The following PMS1 variants were observed in gnomAD, a reference collection of about 807,000 sequenced individuals.
The protein encoded by PMS1 is PMS1 protein homolog 1.
Under a neutral mutation model 93.1 loss-of-function variants are expected in PMS1, and 79 were observed. The ratio of observed to expected loss-of-function variants is 0.85; its 90% CI spans 0.71 to 1.02. The LOEUF (loss-of-function observed/expected upper bound fraction) is 1.02, where lower values mean the gene tolerates loss of function less well. Ranked by LOEUF, PMS1 falls within the 50% of genes least tolerant of loss-of-function variation. PMS1 has a pLI of 0.00. For missense variants in PMS1, 1,064 were observed against 1,085.3 expected, an observed-to-expected ratio of 0.98 and a Z score of 0.28; for synonymous variants, 335 against 363.4, an observed-to-expected ratio of 0.92 and a Z score of 0.89.
Position 189,784,594 on chromosome 2 carries a change from G to A in PMS1, c.-21+1G>A, listed in dbSNP as rs2048085118. The stretch of plus-strand genomic sequence containing the variant: ...TTGCCTGCCTCGCGCTAGCAGGAAG[G>A]TAGTGTGGTGTGACTAACGGGTATT... On this transcript the variant is annotated splice_donor_variant, in intron 1 of 12. Coordinates refer to ENST00000441310, the MANE Select transcript of PMS1 (RefSeq NM_000534.5). LOFTEE classifies it low-confidence loss of function (5UTR_SPLICE). The A allele has an allele frequency of 6.5e-6, 1 of 152,994 alleles. No homozygotes were observed. The highest frequency in any genetic ancestry group is 1.5e-5 in the Non-Finnish European group (1 of 68,582). The allele number at this position is 152,994 out of a possible 1,614,324, so 9.5% of individuals were successfully genotyped here.
At chr2:189,811,030 A>G (rs1333151360) in intron 4 of PMS1, among the ~76,000 whole-genome samples, 4 of 151,946 alleles carry the variant, frequency 2.6e-5, no homozygotes, top group Non-Finnish European at 5.9e-5. Flanking sequence ...GATGGTCAAA[A>G]CTGGTAAGAA....
At chr2:189,843,463 G>A (rs1385598631) in intron 5 of PMS1, among the ~76,000 whole-genome samples, 3 of 152,178 alleles carry the variant, frequency 2.0e-5, no homozygotes, top group African/African-American at 7.2e-5. Context: ...ATTTAATTAA[G>A]AATGCTCTTT....
intron 10 of PMS1, chr2:189,864,500 A>G: frequency 2.8e-6 from 1 of 357,586 alleles, no homozygotes; most frequent in Admixed American, 3.8e-5. Flanking sequence ...TACTAAAAAT[A>G]CAAAAGTTAG....
intron 1 of PMS1, among the ~76,000 whole-genome samples, chr2:189,785,887 G>A (rs375297893): frequency 5.9e-5 from 9 of 152,196 alleles, no homozygotes; most frequent in African/African-American, 1.7e-4. Flanking sequence ...CACTTTGGGA[G>A]GCCAAGGCGG....
At chr2:189,832,907 A>G (rs1015811499) in intron 5 of PMS1, among the ~76,000 whole-genome samples, 8 of 152,028 alleles carry the variant, frequency 5.3e-5, no homozygotes, top group African/African-American at 1.9e-4. Context: ...TTTATTATGT[A>G]TTTTAAATAA....
intron 6 of PMS1, 21 bp downstream of exon 6, chr2:189,844,101 C>T: frequency 1.2e-6 from 2 of 1,612,682 alleles, no homozygotes; most frequent in Non-Finnish European, 1.7e-6. Context: ...AAAACATTCT[C>T]AGATAATTCT....
Position 189,795,870 on chromosome 2 carries a change from A to T in PMS1, c.234A>T (p.Ile78=). Residue 78 remains isoleucine (I), a synonymous_variant, in exon 3 of 13, where the codon ATA becomes ATT. Transcript: ENST00000441310. The part of the protein sequence containing the change: ...VMAMKYYTSK[I]NSHEDLENLT... ...CAATGAAGTACTACACCTCAAAAAT[A>T]AATAGTCATGAAGATCTTGAAAATT... 6.2e-7 allele frequency: 1 copy of T among 1,613,556 alleles called. No homozygotes were observed. The highest frequency in any genetic ancestry group is 8.5e-7 in the Non-Finnish European group (1 of 1,179,512).
intron 11 of PMS1, among the ~76,000 whole-genome samples, chr2:189,870,259 C>A (rs962177365): frequency 6.6e-6 from 1 of 152,020 alleles, no homozygotes; most frequent in Non-Finnish European, 1.5e-5. Flanking sequence ...TGCCTGTAGT[C>A]ACAGTACTTC....
chr2:189,791,628 A>AG, intron 1 of PMS1, 162 bp from the exon 2 acceptor site: 2 of 552,526 alleles, frequency 3.6e-6, no homozygotes, highest in Non-Finnish European at 6.5e-6. Context: ...AAAAAAAAAA[A>AG]GAAGAAATAG....
At chr2:189,819,613 G>C (rs750014443) in intron 5 of PMS1, among the ~76,000 whole-genome samples, 1 of 152,040 alleles carries the variant, frequency 6.6e-6, no homozygotes, top group Non-Finnish European at 1.5e-5. Context: ...GGTTTAATTT[G>C]CATTTTTCTA....
At chr2:189,837,639 C>CA (rs2053498976) in intron 5 of PMS1, among the ~76,000 whole-genome samples, 1 of 152,098 alleles carries the variant, frequency 6.6e-6, no homozygotes, top group Admixed American at 6.5e-5. Flanking sequence ...GGCAGTTCTT[C>CA]AAAAAACATG....
At chr2:189,814,315 C>T (rs921654293) in intron 4 of PMS1, among the ~76,000 whole-genome samples, 1 of 150,846 alleles carries the variant, frequency 6.6e-6, no homozygotes, top group Non-Finnish European at 1.5e-5. Context: ...AGACCCCCCC[C>T]CAAAAAAAAA....
At position 189,852,419 on chromosome 2, in the gene PMS1, A is replaced by T. The variant is rs1332593072; in HGVS notation, c.700-236A>T. The stretch of plus-strand genomic sequence containing the variant: ...ATAACCATTCATGAAGATTTTATAA[A>T]TGCCAATTTTTCCTTAGAGTTGCCA... On this transcript the variant is annotated intron_variant, in intron 6 of 12. Coordinates refer to ENST00000441310, the MANE Select transcript of PMS1 (RefSeq NM_000534.5). Among the ~76,000 whole-genome samples the T allele has an allele frequency of 2.6e-5, 4 of 152,212 alleles. No homozygotes were observed. The East Asian group carries it at 7.7e-4, about 29-fold the overall frequency.
At chr2:189,813,283 A>C (rs1054578932) in intron 4 of PMS1, among the ~76,000 whole-genome samples, 1 of 152,196 alleles carries the variant, frequency 6.6e-6, no homozygotes, top group Non-Finnish European at 1.5e-5. Context: ...TATCAAACCC[A>C]AGGAAGAAGA....
rs1387139576 is a variant in PMS1 at position 189,821,118 on chromosome 2, A to T, written c.582+2938A>T. Reference sequence around the variant, plus strand: ...CATAATAATTAGGAAGGAAAAATAGATGAAAAAGGTAAAATATAAAGAGAA... The same window carrying T: ...CATAATAATTAGGAAGGAAAAATAGTTGAAAAAGGTAAAATATAAAGAGAA... On this transcript the variant is annotated intron_variant, in intron 5 of 12. Transcript: ENST00000441310. 1.3e-5 allele frequency among the ~76,000 whole-genome samples: 2 copies of T among 152,208 alleles called. 1 individual carries two copies. The highest frequency in any genetic ancestry group is 2.9e-5 in the Non-Finnish European group (2 of 68,044).
chr2:189,785,621 G>C (rs2048239256), intron 1 of PMS1: 1 of 152,262 alleles, frequency 6.6e-6, no homozygotes, highest in Non-Finnish European at 1.5e-5. Flanking sequence ...CATATTAATA[G>C]AGTAACTTGT....
chr2:189,830,131 G>A (rs1014044008), intron 5 of PMS1, among the ~76,000 whole-genome samples: 1 of 152,094 alleles, frequency 6.6e-6, no homozygotes, highest in African/African-American at 2.4e-5. Context: ...TTTTAGGGCC[G>A]TATAGTTTCT....
At chr2:189,834,408 C>T (rs531755712) in intron 5 of PMS1, among the ~76,000 whole-genome samples, 1 of 152,176 alleles carries the variant, frequency 6.6e-6, no homozygotes, top group African/African-American at 2.4e-5. Context: ...GTTGAAGTGA[C>T]CAAGAGGGAA....
At chr2:189,813,648 A>G (rs923657817) in intron 4 of PMS1, among the ~76,000 whole-genome samples, 2 of 152,220 alleles carry the variant, frequency 1.3e-5, no homozygotes, top group African/African-American at 4.8e-5. Context: ...AAAAAGGGAA[A>G]TAGTCACAAC....
Sources: allele counts gnomAD v4.1 joint callset (sites outside exome capture counted in the v4.1 genomes callset), GRCh38; gene constraint gnomAD v4.1.1; transcripts MANE v1.5; gene names NCBI Gene and HGNC (gene_info 2026-07-23, HGNC 2026-07-21).